The following CPE variants were observed in gnomAD, a reference collection of about 807,000 sequenced individuals.
The protein encoded by CPE is carbocypeptidase E.
In CPE, 17 loss-of-function variants were observed where a neutral mutation model predicts 53.5. That is an observed-to-expected ratio of 0.32 (90% CI 0.22 to 0.48). The LOEUF (loss-of-function observed/expected upper bound fraction) is 0.48. Among genes scored for constraint, CPE ranks in the 20% least tolerant of loss-of-function variants. The pLI, the probability that CPE is intolerant of heterozygous loss-of-function variation, is 0.99. For synonymous variants in CPE, 226 were observed against 228.8 expected, an observed-to-expected ratio of 0.99 and a Z score of 0.11; for missense variants, 524 against 614.7, an observed-to-expected ratio of 0.85 and a Z score of 1.56.
intron 6 of CPE, among the ~76,000 whole-genome samples, chr4:165,491,872 T>C (rs1381907365): frequency 6.6e-6 from 1 of 152,134 alleles, no homozygotes; most frequent in Non-Finnish European, 1.5e-5. Flanking sequence ...TGTAGGGAAA[T>C]AGTCAAGTAT....
chr4:165,462,654 C>T lies in CPE; in HGVS notation c.308-1736C>T, dbSNP rs145382048. On this transcript the variant is annotated intron_variant, in intron 1 of 8. Coordinates refer to ENST00000402744, the MANE Select transcript of CPE (RefSeq NM_001873.4). The stretch of plus-strand genomic sequence containing the variant: ...AGAAGGTTATTATTACCTTTGAAAT[C>T]AGAAGCCAAGAAAACATCTCTTCTC... 8.3e-3 allele frequency among the ~76,000 whole-genome samples: 1,270 copies of T among 152,244 alleles called. 9 individuals carry two copies. Among genetic ancestry groups the T allele is most frequent in the Non-Finnish European group, 0.013 (915 of 68,022 alleles).
Position 165,405,501 on chromosome 4 carries a change from C to G in CPE, c.307+25973C>G, listed in dbSNP as rs1579246407. On this transcript the variant is annotated intron_variant, in intron 1 of 8. Coordinates refer to ENST00000402744, the MANE Select transcript of CPE (RefSeq NM_001873.4). ...GAAAGCCCTTTAGTCCGCTTTCACA[C>G]TTTTTCTTCCACTTTTTTGTAAATC... 7 of 940,394 alleles carry G rather than the reference C, an allele frequency of 7.4e-6. No homozygotes were observed. The East Asian group carries it at 1.7e-4, about 23-fold the overall frequency. 58.3% of individuals were successfully genotyped at this position (940,394 alleles called of 1,614,324 possible).
chr4:165,461,395 C>T (rs918185336), intron 1 of CPE, among the ~76,000 whole-genome samples: 1 of 151,760 alleles, frequency 6.6e-6, no homozygotes, highest in African/African-American at 2.4e-5. Context: ...TTGAGAGGCA[C>T]CACGCCAAAC....
chr4:165,388,886 T>G (rs1363711489), intron 1 of CPE, among the ~76,000 whole-genome samples: 1 of 152,200 alleles, frequency 6.6e-6, no homozygotes, highest in Admixed American at 6.5e-5. Flanking sequence ...TTCTTTAAGT[T>G]TACTAGAGGA....
At chr4:165,482,200 G>T in intron 3 of CPE, 42 bp from the exon 4 acceptor site, 1 of 1,318,532 alleles carries the variant, frequency 7.6e-7, no homozygotes, top group South Asian at 1.3e-5. Context: ...TCATACCAAT[G>T]ATTATTAAAT....
chr4:165,379,477 C>A lies in CPE; in HGVS notation c.256C>A (p.Arg86=). The A allele has an allele frequency of 6.2e-7, 1 of 1,603,044 alleles. No individual in the cohort carries two copies. Among genetic ancestry groups the A allele is most frequent in the Non-Finnish European group, 8.5e-7 (1 of 1,173,244 alleles). The change falls in exon 1 of 9, where the codon CGG becomes AGG. Residue 86 remains arginine, a synonymous_variant. Transcript: ENST00000402744. The surrounding 1 kb of genome is among the most constrained non-coding windows in gnomAD (Gnocchi z 6.0). ...IYTVGRSFEG[R]ELLVIELSDN... ...CACGGTGGGGCGCAGCTTCGAGGGC[C>A]GGGAGCTCCTGGTCATCGAGCTGTC...
chr4:165,444,500 GA>G (rs35037653), intron 1 of CPE, among the ~76,000 whole-genome samples: 45,618 of 148,816 alleles, frequency 0.31, 7,324 homozygotes, highest in Middle Eastern at 0.42. Context: ...CATCTCTACT[GA>G]AAAAAAAAAA....
intron 1 of CPE, chr4:165,418,253 T>C (rs1372689617): frequency 6.6e-6 from 1 of 152,170 alleles, no homozygotes; most frequent in Non-Finnish European, 1.5e-5. Flanking sequence ...AGAGTGCAGA[T>C]TGGAGCAGCT....
At chr4:165,407,899 T>A (rs910979786) in intron 1 of CPE, among the ~76,000 whole-genome samples, 2 of 151,308 alleles carry the variant, frequency 1.3e-5, no homozygotes, top group Non-Finnish European at 2.9e-5. Context: ...CCGCTGTGTC[T>A]CAAACTCCTG....
chr4:165,415,996 T>C (rs1317102018), intron 1 of CPE, among the ~76,000 whole-genome samples: 2 of 152,156 alleles, frequency 1.3e-5, no homozygotes, highest in African/African-American at 4.8e-5. Context: ...AATTAGAAGC[T>C]GGCCTTGGGT....
intron 1 of CPE, among the ~76,000 whole-genome samples, chr4:165,438,002 G>A (rs1195232937): frequency 6.6e-6 from 1 of 152,174 alleles, no homozygotes; most frequent in Non-Finnish European, 1.5e-5. Context: ...AACATAAGTT[G>A]CCTAGTGTTT....
intron 1 of CPE, among the ~76,000 whole-genome samples, chr4:165,415,732 G>T (rs1354896041): frequency 6.7e-6 from 1 of 149,992 alleles, no homozygotes; most frequent in Non-Finnish European, 1.5e-5. Flanking sequence ...TGTTTGTCTA[G>T]TACATATATA....
chr4:165,483,944 A>G (rs899370406), intron 4 of CPE, among the ~76,000 whole-genome samples: 1 of 152,246 alleles, frequency 6.6e-6, no homozygotes, highest in Non-Finnish European at 1.5e-5. Flanking sequence ...TGCATAATTT[A>G]TAATGCATGA....
At chr4:165,404,742 C>T in intron 1 of CPE, 1 of 803,448 alleles carries the variant, frequency 1.2e-6, no homozygotes. Flanking sequence ...CCATCCTTAA[C>T]CACAATGATG....
chr4:165,463,314 T>A (rs1284728950), intron 1 of CPE, among the ~76,000 whole-genome samples: 1 of 152,180 alleles, frequency 6.6e-6, no homozygotes, highest in Non-Finnish European at 1.5e-5. Context: ...AATAATAATA[T>A]TAAAGAAAAT....
intron 1 of CPE, among the ~76,000 whole-genome samples, chr4:165,431,726 A>C (rs776889454): frequency 1.4e-4 from 21 of 152,310 alleles, no homozygotes; most frequent in African/African-American, 4.6e-4. Context: ...TGGCAGAGAT[A>C]TCTGAAAGCT....
intron 1 of CPE, among the ~76,000 whole-genome samples, chr4:165,427,192 C>G (rs561305717): frequency 1.3e-5 from 2 of 152,106 alleles, no homozygotes; most frequent in South Asian, 4.2e-4. Context: ...TAGGCAAGCC[C>G]CTTGTGCAAA....
intron 1 of CPE, among the ~76,000 whole-genome samples, chr4:165,388,526 C>G (rs1466161583): frequency 6.6e-6 from 1 of 152,132 alleles, no homozygotes; most frequent in East Asian, 1.9e-4. Flanking sequence ...CCATTGCGTT[C>G]CTTGAAATGT....
chr4:165,414,029 C>A (rs729699), intron 1 of CPE, among the ~76,000 whole-genome samples: 37,540 of 151,940 alleles, frequency 0.25, 5,077 homozygotes, highest in Middle Eastern at 0.37. Context: ...GCTTATAGCA[C>A]ACTGGGAAAA....
Sources: allele counts gnomAD v4.1 joint callset (sites outside exome capture counted in the v4.1 genomes callset), GRCh38; gene constraint gnomAD v4.1.1; non-coding constraint Gnocchi (gnomAD v3.1); transcripts MANE v1.5; gene names NCBI Gene and HGNC (gene_info 2026-07-23, HGNC 2026-07-21).